GMPR: variants seen among roughly 807,000 people sequenced by gnomAD.
GMPR encodes guanosine monophosphate reductase, also known as GMP reductase 1.
A neutral mutation model predicts 38.4 loss-of-function variants in GMPR; 31 were observed. The ratio of observed to expected loss-of-function variants is 0.81; its 90% CI spans 0.61 to 1.09. The LOEUF is 1.09. Ranked by LOEUF, GMPR falls within the 50% of genes least tolerant of loss-of-function variation. The pLI, the probability that GMPR is intolerant of heterozygous loss-of-function variation, is 0.00. For synonymous variants in GMPR, 162 were observed against 173.3 expected (o/e 0.93, Z 0.51); for missense variants, 468 against 453.7 (o/e 1.03, Z -0.29).
intron 4 of GMPR, among the ~76,000 whole-genome samples, chr6:16,257,183 C>T (rs1473481229): frequency 6.6e-6 from 1 of 152,090 alleles, no homozygotes; most frequent in Non-Finnish European, 1.5e-5. Context: ...TCACAGAAAC[C>T]CCCAAAGTAT....
At chr6:16,268,972 T>G (rs555223293) in intron 4 of GMPR, among the ~76,000 whole-genome samples, 14 of 151,466 alleles carry the variant, frequency 9.2e-5, no homozygotes, top group East Asian at 3.9e-4. Flanking sequence ...TCAGTGGCAC[T>G]AAGTCCCTTC....
chr6:16,250,597 G>A (rs1331972741), intron 3 of GMPR, among the ~76,000 whole-genome samples: 1 of 152,210 alleles, frequency 6.6e-6, no homozygotes, highest in Non-Finnish European at 1.5e-5. Flanking sequence ...GATGAAGTGT[G>A]TTATATCCCA....
chr6:16,287,170 CA>C (rs1561834838), intron 7 of GMPR, among the ~76,000 whole-genome samples: 1 of 152,208 alleles, frequency 6.6e-6, no homozygotes, highest in Non-Finnish European at 1.5e-5. Context: ...GCCCTACAAT[CA>C]GGGGCAGAAC....
intron 1 of GMPR, among the ~76,000 whole-genome samples, chr6:16,244,306 G>A (rs1361382458): frequency 1.3e-5 from 2 of 151,434 alleles, no homozygotes; most frequent in Admixed American, 6.6e-5. Context: ...TCAGCCTCCG[G>A]TGTTCAATCA....
At position 16,278,629 on chromosome 6, in the gene GMPR, G is replaced by A. The variant is rs534718426; in HGVS notation, c.548-155G>A. On this transcript the variant is annotated intron_variant, in intron 5 of 8. Transcript: ENST00000259727. Reference sequence around the variant, plus strand: ...GGTGTGGTTTACAGTGACCTCCATCGTGCAGATGGGGCAGCCTGTTCCCCA... The same window carrying A: ...GGTGTGGTTTACAGTGACCTCCATCATGCAGATGGGGCAGCCTGTTCCCCA... Among the ~76,000 whole-genome samples the A allele has an allele frequency of 8.1e-4, 123 of 152,300 alleles. 2 individuals are homozygous for A. The highest frequency in any genetic ancestry group is 1.9e-3 in the East Asian group (10 of 5,172).
Position 16,295,114 on chromosome 6 carries a change from C to A in GMPR, c.966C>A (p.Ala322=), listed in dbSNP as rs750164459. 131 of 1,579,380 alleles carry A rather than the reference C, an allele frequency of 8.3e-5. No homozygotes were observed. Among genetic ancestry groups the A allele is most frequent in the Non-Finnish European group, 9.9e-5 (116 of 1,168,660 alleles). The change falls in exon 9 of 9, where the codon GCC becomes GCA. Residue 322 remains alanine (A), a synonymous_variant. Coordinates refer to ENST00000259727, the MANE Select transcript of GMPR (RefSeq NM_006877.4). ...CCACGTGCACCTACGTGGGGGCCGC[C>A]AAACTCAAGGAGCTCAGCAGGAGGG... ...LRSTCTYVGA[A]KLKELSRRAT... is the part of the protein sequence containing the mutation.
intron 4 of GMPR, among the ~76,000 whole-genome samples, chr6:16,266,077 G>A (rs372075087): frequency 1.3e-5 from 2 of 151,518 alleles, no homozygotes; most frequent in African/African-American, 2.4e-5. Context: ...AACAACTCCC[G>A]ACGGGCTACC....
intron 6 of GMPR, among the ~76,000 whole-genome samples, chr6:16,285,046 ACAGAAAAG>A (rs1759651960): frequency 6.7e-6 from 1 of 148,242 alleles, no homozygotes. Context: ...AAAAAAAAAA[ACAGAAAAG>A]AAAAGAAAAT....
intron 1 of GMPR, among the ~76,000 whole-genome samples, chr6:16,240,034 A>G (rs1217459189): frequency 6.6e-6 from 1 of 152,230 alleles, no homozygotes; most frequent in African/African-American, 2.4e-5. Flanking sequence ...CTCTGGAAGC[A>G]TGAGCTGTAG....
At chr6:16,242,061 A>G (rs1329449641) in intron 1 of GMPR, among the ~76,000 whole-genome samples, 1 of 152,174 alleles carries the variant, frequency 6.6e-6, no homozygotes, top group African/African-American at 2.4e-5. Flanking sequence ...AACAAAAACA[A>G]AAAATAAACC....
chr6:16,294,259 C>T (rs1175681272), intron 8 of GMPR, among the ~76,000 whole-genome samples: 1 of 152,192 alleles, frequency 6.6e-6, no homozygotes, highest in Non-Finnish European at 1.5e-5. Flanking sequence ...CTTGGACCCA[C>T]ACATGTGCAG....
intron 4 of GMPR, among the ~76,000 whole-genome samples, chr6:16,255,613 G>A (rs1217647887): frequency 1.3e-5 from 2 of 152,082 alleles, no homozygotes; most frequent in African/African-American, 4.8e-5. Context: ...TGTGACTTTT[G>A]GGAAAGATGG....
At chr6:16,257,729 T>C (rs986505674) in intron 4 of GMPR, among the ~76,000 whole-genome samples, 1 of 152,214 alleles carries the variant, frequency 6.6e-6, no homozygotes, top group Non-Finnish European at 1.5e-5. Flanking sequence ...CCGTTCCTCA[T>C]AGGTGGTGCT....
chr6:16,266,520 C>G (rs955930073), intron 4 of GMPR, among the ~76,000 whole-genome samples: 1 of 150,212 alleles, frequency 6.7e-6, no homozygotes, highest in African/African-American at 2.4e-5. Flanking sequence ...AGCTGTAACA[C>G]GGCTGGGCGC....
chr6:16,261,055 G>A lies in GMPR; in HGVS notation c.465+6320G>A, dbSNP rs185630444. 2.6e-5 allele frequency among the ~76,000 whole-genome samples: 4 copies of A among 151,902 alleles called. No individual in the cohort carries two copies. The East Asian group carries it at 7.7e-4, about 29-fold the overall frequency. ...TTTGTGATTTTGAGGGCCTCTAAAA[G>A]TATTAGGACGGCGGCAGCCGCTGCA... is the stretch of plus-strand genomic sequence containing the variant. On this transcript the variant is annotated intron_variant, in intron 4 of 8. Coordinates refer to ENST00000259727, the MANE Select transcript of GMPR (RefSeq NM_006877.4).
Position 16,285,727 on chromosome 6 carries a change from G to C in GMPR, c.655-66G>C, listed in dbSNP as rs556125934. ...AACCCCCAGTCACTAGGTCATCTGG[G>C]GGGAGGGGACAGCCTGGCTGAGCTC... On this transcript the variant is annotated intron_variant, in intron 6 of 8. Coordinates refer to ENST00000259727, the MANE Select transcript of GMPR (RefSeq NM_006877.4). 1.5e-5 allele frequency: 21 copies of C among 1,360,074 alleles called. No individual in the cohort carries two copies. The Admixed American group carries it at 3.2e-4, about 21-fold the overall frequency. The allele number at this position is 1,360,074 out of a possible 1,614,324, so 84.3% of individuals were successfully genotyped here.
chr6:16,247,664 C>T (rs539625361), intron 2 of GMPR, among the ~76,000 whole-genome samples: 1 of 152,286 alleles, frequency 6.6e-6, no homozygotes, highest in African/African-American at 2.4e-5. Flanking sequence ...CATGAGTTAC[C>T]ATGCCCGGCC....
chr6:16,267,601 G>A (rs1759284049), intron 4 of GMPR, among the ~76,000 whole-genome samples: 1 of 151,972 alleles, frequency 6.6e-6, no homozygotes, highest in African/African-American at 2.4e-5. Context: ...ACAAACTCCG[G>A]ACACGCCATC....
At chr6:16,274,323 A>C in intron 4 of GMPR, 92 bp from the exon 5 acceptor site, 1 of 829,102 alleles carries the variant, frequency 1.2e-6, no homozygotes, top group Non-Finnish European at 2.1e-6. Context: ...TGGCTTTAGG[A>C]CATGCACATC....
Sources: gnomAD v4.1 joint callset for allele counts (sites outside exome capture counted in the v4.1 genomes callset) on GRCh38, gnomAD v4.1.1 for gene constraint, MANE v1.5 for transcripts, NCBI Gene and HGNC (gene_info 2026-07-23, HGNC 2026-07-21) for gene names.